Variants in GDAP1L1 observed in about 807,000 individuals in gnomAD.
The protein encoded by GDAP1L1 is ganglioside induced differentiation associated protein 1 like 1.
GDAP1L1 carries 21 observed loss-of-function variants against 37.1 expected under a neutral mutation model. The observed-to-expected ratio is 0.57, with a 90% CI of 0.40 to 0.81. GDAP1L1 has a LOEUF of 0.81. Ranked by LOEUF, GDAP1L1 falls within the 40% of genes least tolerant of loss-of-function variation. The probability of loss-of-function intolerance (pLI) is 0.00; values close to 1 mark genes in which losing one functional copy is unlikely to be tolerated. For missense variants in GDAP1L1, 362 were observed against 491.6 expected, an observed-to-expected ratio of 0.74 and a Z score of 2.49; for synonymous variants, 193 against 209.1, an observed-to-expected ratio of 0.92 and a Z score of 0.67.
At chr20:44,249,514 G>A (rs773495197) in intron 1 of GDAP1L1, among the ~76,000 whole-genome samples, 6 of 152,174 alleles carry the variant, frequency 3.9e-5, no homozygotes, top group Admixed American at 2.0e-4. Flanking sequence ...CTTCCTCCCC[G>A]CTAGAACCTC....
At chr20:44,274,117 T>TA (rs1393759383) in intron 5 of GDAP1L1, among the ~76,000 whole-genome samples, 2 of 152,208 alleles carry the variant, frequency 1.3e-5, no homozygotes, top group Admixed American at 1.3e-4. Flanking sequence ...GCCCTCTTGT[T>TA]ACCAAGGGAT....
chr20:44,249,857 G>A (rs1024771998), intron 1 of GDAP1L1, among the ~76,000 whole-genome samples: 5 of 152,162 alleles, frequency 3.3e-5, no homozygotes, highest in Admixed American at 6.5e-5. Context: ...TTCTATTCTC[G>A]TCTTGGCTAC....
chr20:44,266,106 C>T (rs974929017), intron 5 of GDAP1L1, among the ~76,000 whole-genome samples: 3 of 152,126 alleles, frequency 2.0e-5, no homozygotes, highest in African/African-American at 7.2e-5. Flanking sequence ...GTCAGGAGTT[C>T]GAGACCAGCC....
chr20:44,273,758 A>G (rs1209295660), intron 5 of GDAP1L1, among the ~76,000 whole-genome samples: 1 of 151,682 alleles, frequency 6.6e-6, no homozygotes, highest in Non-Finnish European at 1.5e-5. Context: ...TGACTCCTTT[A>G]TGCCTTCTTC....
At chr20:44,254,955 CA>C (rs113963900) in intron 1 of GDAP1L1, among the ~76,000 whole-genome samples, 3,110 of 152,196 alleles carry the variant, frequency 0.02, 105 homozygotes, top group African/African-American at 0.071. Flanking sequence ...GGGCTGTCTC[CA>C]CAACAGCCCA....
At chr20:44,259,149 AAGG>A (rs1440990101) in intron 3 of GDAP1L1, among the ~76,000 whole-genome samples, 14 of 152,180 alleles carry the variant, frequency 9.2e-5, no homozygotes, top group Non-Finnish European at 1.8e-4. Flanking sequence ...TCTCAGATTG[AAGG>A]TTACCCATGA....
intron 3 of GDAP1L1, 150 bp downstream of exon 3, chr20:44,258,757 T>C (rs2073615053): frequency 3.2e-6 from 2 of 632,954 alleles, no homozygotes; most frequent in Non-Finnish European, 2.8e-6. Flanking sequence ...TGTCCCCGCC[T>C]CTCTCTGAGT....
chr20:44,259,859 G>A (rs2073640410), intron 3 of GDAP1L1, among the ~76,000 whole-genome samples: 1 of 152,142 alleles, frequency 6.6e-6, no homozygotes, highest in Non-Finnish European at 1.5e-5. Flanking sequence ...ACATTTATGA[G>A]GCCCTGGGCA....
upstream of GDAP1L1, chr20:44,247,145 A>G: frequency 3.2e-6 from 2 of 623,538 alleles, no homozygotes; most frequent in Non-Finnish European, 5.6e-6. Flanking sequence ...GGCGCGGGCC[A>G]GGGGGAGGAG....
rs186641336 is a variant in GDAP1L1 at position 44,265,068 on chromosome 20, C to A, written c.760+509C>A. The stretch of plus-strand genomic sequence containing the variant: ...CATGCATACTGAATACTCGGTTGCT[C>A]CCCCATCACCTCCCTTACACAACTT... On this transcript the variant is annotated intron_variant, in intron 5 of 5. Transcript: ENST00000342560. 9.1e-5 allele frequency: 90 copies of A among 985,336 alleles called. No individual in the cohort carries two copies. The African/African-American group carries it at 1.5e-3, about 16-fold the overall frequency. The allele number at this position is 985,336 out of a possible 1,614,324, so 61.0% of individuals were successfully genotyped here. A position where few individuals can be genotyped will look rare whatever the true frequency, so the allele number is the denominator to read the frequency against.
chr20:44,279,227 C>T lies in GDAP1L1; in HGVS notation c.1031C>T (p.Ala344Val), dbSNP rs140997304. The change falls in exon 6 of 6, where the codon GCG becomes GTG. Residue 344 changes from alanine (A) to valine (V), a missense_variant. Around this residue, in one of 2 missense-constraint regions of GDAP1L1, gnomAD observed 85 missense variants for 154.4 expected, o/e 0.55. Transcript: ENST00000342560. ...AGGAAACCCCCATCCTTCTTCGGGG[C>T]GTCCTTCCTCATGGGCTCCCTGGGT... ...VKRKPPSFFG[A>V]SFLMGSLGGM... The T allele has an allele frequency of 9.3e-6, 15 of 1,613,928 alleles. No homozygotes were observed. Among genetic ancestry groups the T allele is most frequent in the Middle Eastern group, 1.6e-4 (1 of 6,084 alleles).
At chr20:44,247,637 C>G in intron 1 of GDAP1L1, 123 bp downstream of exon 1, 1 of 933,876 alleles carries the variant, frequency 1.1e-6, no homozygotes, top group Non-Finnish European at 1.5e-6. Flanking sequence ...TTGGGGGTCC[C>G]GGAGGTCGGG....
chr20:44,279,112 C>T lies in GDAP1L1; in HGVS notation c.916C>T (p.Gln306Ter). 6.2e-7 allele frequency: 1 copy of T among 1,614,148 alleles called. No homozygotes were observed. Among genetic ancestry groups the T allele is most frequent in the Non-Finnish European group, 8.5e-7 (1 of 1,180,004 alleles). Residue 306 changes from glutamine to a stop codon, truncating the protein, a stop_gained, in exon 6 of 6, where the codon CAG becomes TAG. Coordinates refer to ENST00000342560, the MANE Select transcript of GDAP1L1 (RefSeq NM_024034.6). LOFTEE classifies it high-confidence loss of function. ...CCTGCAGTCCTTCTTTGAGAGGGTC[C>T]AGAGACGCTTTGCCTTCCGGAAAGT... The part of the protein sequence containing the change: ...PNLQSFFERV[Q>*]RRFAFRKVLG...
chr20:44,258,233 CG>C, intron 2 of GDAP1L1, 200 bp from the exon 3 acceptor site: 2 of 721,934 alleles, frequency 2.8e-6, no homozygotes, highest in Admixed American at 2.0e-5. Flanking sequence ...AGCTAACCCT[CG>C]GGGACAGCTT....
chr20:44,279,526 A>G lies in GDAP1L1; in HGVS notation c.*226A>G. ...TACTAAAAGAGAGAGAGGAAGCGAG[A>G]GAGAGAGAGAAAAAACAAAAAACAG... On this transcript the variant is annotated 3_prime_UTR_variant, in exon 6 of 6. Transcript: ENST00000342560. The G allele has an allele frequency of 1.5e-6, 1 of 688,678 alleles. No homozygotes were observed. Among genetic ancestry groups the G allele is most frequent in the Non-Finnish European group, 2.7e-6 (1 of 367,420 alleles). The allele number at this position is 688,678 out of a possible 1,614,324, so 42.7% of individuals were successfully genotyped here.
At chr20:44,251,142 C>T (rs1313178240) in intron 1 of GDAP1L1, among the ~76,000 whole-genome samples, 1 of 152,168 alleles carries the variant, frequency 6.6e-6, no homozygotes, top group Non-Finnish European at 1.5e-5. Flanking sequence ...AGTGAGGGTA[C>T]TGGGAGGTAC....
intron 2 of GDAP1L1, 120 bp from the exon 3 acceptor site, chr20:44,258,314 A>G: frequency 1.0e-6 from 1 of 978,316 alleles, no homozygotes; most frequent in East Asian, 2.6e-5. Flanking sequence ...GCCAAGCCCG[A>G]GCATGGGGGT....
intron 1 of GDAP1L1, among the ~76,000 whole-genome samples, chr20:44,251,210 C>T (rs2073434864): frequency 6.6e-6 from 1 of 152,232 alleles, no homozygotes; most frequent in South Asian, 2.1e-4. Flanking sequence ...TAAAGCTCTA[C>T]AATAGTGCCT....
intron 5 of GDAP1L1, among the ~76,000 whole-genome samples, chr20:44,276,308 C>T (rs12481443): frequency 0.078 from 11,700 of 149,202 alleles, 945 homozygotes; most frequent in East Asian, 0.31. Context: ...GCACTGCAGC[C>T]TGGGTGACAG....
Sources: allele counts gnomAD v4.1 joint callset (sites outside exome capture counted in the v4.1 genomes callset), GRCh38; gene constraint gnomAD v4.1.1; regional missense constraint gnomAD v4.1.1; transcripts MANE v1.5; gene names NCBI Gene and HGNC (gene_info 2026-07-23, HGNC 2026-07-21).